SLC25A48: variants seen among roughly 807,000 people sequenced by gnomAD.
SLC25A48 encodes CTC-321K16.1.
In SLC25A48, 29 loss-of-function variants were observed where a neutral mutation model predicts 32.2. The observed-to-expected ratio is 0.90, with a 90% CI of 0.67 to 1.23. The LOEUF is 1.23. Ranked by LOEUF, SLC25A48 falls within the 50% of genes most tolerant of loss-of-function variation. The pLI, the probability that SLC25A48 is intolerant of heterozygous loss-of-function variation, is 0.00. For missense variants in SLC25A48, 399 were observed against 422.7 expected, an observed-to-expected ratio of 0.94 and a Z score of 0.49; for synonymous variants, 164 against 172.3, an observed-to-expected ratio of 0.95 and a Z score of 0.38.
intron 3 of SLC25A48, among the ~76,000 whole-genome samples, chr5:135,672,436 A>G (rs1036601945): frequency 3.3e-5 from 5 of 152,194 alleles, no homozygotes; most frequent in Admixed American, 2.6e-4. Context: ...CCATCACCAG[A>G]CAGGTTAAAT....
intron 1 of SLC25A48, among the ~76,000 whole-genome samples, chr5:135,592,932 A>G (rs1580707366): frequency 1.3e-5 from 2 of 152,156 alleles, no homozygotes; most frequent in Non-Finnish European, 2.9e-5. Context: ...TGAGAGACAG[A>G]GACGCTTGGT....
chr5:135,824,858 G>A (rs1757989167), intron 4 of SLC25A48: 1 of 152,216 alleles, frequency 6.6e-6, no homozygotes, highest in African/African-American at 2.4e-5. Context: ...AGCAGCACTA[G>A]GCCCCCGCAT....
chr5:135,853,753 C>T (rs1760087768), intron 4 of SLC25A48, among the ~76,000 whole-genome samples: 1 of 152,110 alleles, frequency 6.6e-6, no homozygotes, highest in East Asian at 1.9e-4. Flanking sequence ...CTATTTTGAC[C>T]TCCTCCCATG....
At chr5:135,772,303 A>C (rs1756433570) in intron 3 of SLC25A48, among the ~76,000 whole-genome samples, 1 of 150,870 alleles carries the variant, frequency 6.6e-6, no homozygotes, top group Admixed American at 6.7e-5. Flanking sequence ...GGTAGTGTAC[A>C]CCCCAATGTA....
At position 135,742,877 on chromosome 5, in the gene SLC25A48, A is replaced by G. The variant is rs144998463; in HGVS notation, c.-520-69646A>G. Among the ~76,000 whole-genome samples the G allele has an allele frequency of 5.0e-3, 760 of 151,050 alleles. 7 individuals are homozygous for G. The highest frequency in any genetic ancestry group is 0.017 in the African/African-American group (721 of 41,310). ...CTTTCAGTGATGTATTCCCAGCTCCAGAAGAGAACTTTGCGTATAGTAATG... is the reference window on the plus strand; with the variant it reads ...CTTTCAGTGATGTATTCCCAGCTCCGGAAGAGAACTTTGCGTATAGTAATG... On this transcript the variant is annotated intron_variant, in intron 3 of 10. Transcript: ENST00000646290.
At chr5:135,700,371 CAAAAAAAAA>C (rs34125451) in intron 3 of SLC25A48, among the ~76,000 whole-genome samples, 3 of 67,976 alleles carry the variant, frequency 4.4e-5, no homozygotes, top group East Asian at 4.8e-4. Flanking sequence ...GACTCTGTCT[CAAAAAAAAA>C]AAAAAAAAAA....
intron 3 of SLC25A48, among the ~76,000 whole-genome samples, chr5:135,735,876 A>C (rs1755348711): frequency 6.6e-6 from 1 of 152,218 alleles, no homozygotes; most frequent in Admixed American, 6.5e-5. Flanking sequence ...AAAAAGGCAC[A>C]TGTACCCTGA....
chr5:135,868,677 TACACACACACAC>T (rs34148471), intron 4 of SLC25A48, among the ~76,000 whole-genome samples: 1 of 149,140 alleles, frequency 6.7e-6, no homozygotes, highest in South Asian at 2.1e-4. Context: ...CACACACACA[TACACACACACAC>T]ACACACACAC....
intron 3 of SLC25A48, among the ~76,000 whole-genome samples, chr5:135,740,216 C>T (rs1359059943): frequency 2.0e-5 from 3 of 151,754 alleles, no homozygotes; most frequent in East Asian, 1.9e-4. Flanking sequence ...TCTTTTCAGA[C>T]GGTGTCTCGG....
At position 135,850,443 on chromosome 5, in the gene SLC25A48, G is replaced by T; in HGVS notation, c.109G>T (p.Val37Phe). 3 of 1,614,164 alleles carry T rather than the reference G, an allele frequency of 1.9e-6. No homozygotes were observed. The highest frequency in any genetic ancestry group is 2.5e-6 in the Non-Finnish European group (3 of 1,180,028). Residue 37 changes from valine (V) to phenylalanine (F), a missense_variant, in exon 3 of 8, where the codon GTT (valine) becomes TTT (phenylalanine). By Grantham distance (50) the Val-to-Phe change is conservative (BLOSUM62 -1). Transcript: ENST00000681962. ...TCCATAGACTCGCCTGCAGGCTGGC[G>T]TTGGCTACGGAAACACCCTCAGCTG... The part of the protein sequence containing the change: ...DTVKTRLQAG[V>F]GYGNTLSCIR...
Position 135,874,003 on chromosome 5 carries a change from G to A in SLC25A48, c.680-18G>A. ...CCTAAGGAGCTAGCCCCTGACACCTGTTTCTTTCTCTTTGCAGGAGCAATT... is the reference window on the plus strand; with the variant it reads ...CCTAAGGAGCTAGCCCCTGACACCTATTTCTTTCTCTTTGCAGGAGCAATT... On this transcript the variant is annotated intron_variant, in intron 5 of 7. Transcript: ENST00000681962. 1.3e-6 allele frequency: 2 copies of A among 1,528,334 alleles called. No homozygotes were observed. Among genetic ancestry groups the A allele is most frequent in the East Asian group, 2.5e-5 (1 of 40,540 alleles). 94.7% of individuals were successfully genotyped at this position (1,528,334 alleles called of 1,614,324 possible).
intron 3 of SLC25A48, among the ~76,000 whole-genome samples, chr5:135,805,560 T>A (rs1757444034): frequency 6.6e-6 from 1 of 151,630 alleles, no homozygotes; most frequent in Admixed American, 6.6e-5. Flanking sequence ...AGTTATAACA[T>A]CATAGGGAGA....
intron 3 of SLC25A48, among the ~76,000 whole-genome samples, chr5:135,678,324 A>T (rs1242504409): frequency 6.6e-6 from 1 of 152,040 alleles, no homozygotes; most frequent in Non-Finnish European, 1.5e-5. Flanking sequence ...AAGCTTTCCA[A>T]TGTATTTTAC....
intron 3 of SLC25A48, among the ~76,000 whole-genome samples, chr5:135,753,470 C>A (rs992732869): frequency 6.6e-6 from 1 of 151,978 alleles, no homozygotes; most frequent in Non-Finnish European, 1.5e-5. Context: ...GGGGTATACA[C>A]ACAGGTTGCA....
At chr5:135,674,710 A>G (rs1753728349) in intron 3 of SLC25A48, among the ~76,000 whole-genome samples, 1 of 151,978 alleles carries the variant, frequency 6.6e-6, no homozygotes, top group African/African-American at 2.4e-5. Flanking sequence ...TTAAGTATGT[A>G]TGTATACCAC....
chr5:135,698,651 TTAGA>T (rs1345889274), intron 3 of SLC25A48, among the ~76,000 whole-genome samples: 1 of 152,090 alleles, frequency 6.6e-6, no homozygotes, highest in Non-Finnish European at 1.5e-5. Flanking sequence ...CAAAGATTTC[TTAGA>T]TAGAATACAA....
At chr5:135,818,316 C>G (rs1364326815) in intron 4 of SLC25A48, among the ~76,000 whole-genome samples, 25 of 152,142 alleles carry the variant, frequency 1.6e-4, no homozygotes, top group Non-Finnish European at 2.9e-5. Flanking sequence ...GAAAAGCAGT[C>G]CTCTAATTCT....
chr5:135,700,969 GC>G (rs1370209242), intron 3 of SLC25A48, among the ~76,000 whole-genome samples: 1 of 152,202 alleles, frequency 6.6e-6, no homozygotes, highest in African/African-American at 2.4e-5. Flanking sequence ...TCACTTTCCT[GC>G]CTTGGAATCA....
intron 3 of SLC25A48, among the ~76,000 whole-genome samples, chr5:135,803,855 A>C (rs73789190): frequency 0.015 from 2,260 of 151,652 alleles, 59 homozygotes; most frequent in African/African-American, 0.051. Flanking sequence ...TTGTACACTC[A>C]CTGTCTACAC....
Sources: gnomAD v4.1 joint callset for allele counts (sites outside exome capture counted in the v4.1 genomes callset) on GRCh38, gnomAD v4.1.1 for gene constraint, MANE v1.5 for transcripts, NCBI Gene and HGNC (gene_info 2026-07-23, HGNC 2026-07-21) for gene names.